PDE4D: variants seen among roughly 807,000 people sequenced by gnomAD.
The protein encoded by PDE4D is 3',5'-cyclic-AMP phosphodiesterase 4D.
Under a neutral mutation model 87.4 loss-of-function variants are expected in PDE4D, and 24 were observed. That is an observed-to-expected ratio of 0.27 (90% CI 0.20 to 0.39). The LOEUF is 0.39. PDE4D is among the 10% of genes least tolerant of loss of function. PDE4D has a pLI of 1.00. For synonymous variants in PDE4D, 384 were observed against 383.2 expected (o/e 1.00, Z -0.02); for missense variants, 714 against 1,041.0 (o/e 0.69, Z 4.32).
chr5:59,291,168 T>C (rs1369283127), intron 1 of PDE4D, among the ~76,000 whole-genome samples: 1 of 152,058 alleles, frequency 6.6e-6, no homozygotes, highest in Non-Finnish European at 1.5e-5. Context: ...TAGCCAGGAT[T>C]TGGAAGCAAT....
At chr5:59,802,240 AT>A (rs59251157) in intron 1 of PDE4D, among the ~76,000 whole-genome samples, 50 of 150,178 alleles carry the variant, frequency 3.3e-4, no homozygotes, top group Middle Eastern at 3.4e-3. Flanking sequence ...TTTTGTTTTC[AT>A]TTTTTTTTTA....
chr5:59,929,462 A>C (rs926132040), intron 3 of PDE4D, among the ~76,000 whole-genome samples: 3 of 152,140 alleles, frequency 2.0e-5, no homozygotes, highest in Non-Finnish European at 4.4e-5. Context: ...CCTTTGGTAC[A>C]AAACTTTTGA....
intron 1 of PDE4D, among the ~76,000 whole-genome samples, chr5:60,296,453 G>A (rs1753397362): frequency 6.6e-6 from 1 of 151,906 alleles, no homozygotes; most frequent in Non-Finnish European, 1.5e-5. Context: ...AAAATGACTG[G>A]GTAAGCCTCC....
At position 59,031,381 on chromosome 5, in the gene PDE4D, AT is replaced by A. The variant is rs1390156808; in HGVS notation, c.921+7477del. Reference sequence around the variant, plus strand: ...AAATGTGATATATATATATATATATATATATATATATTATATATATATATAT... The same window carrying A: ...AAATGTGATATATATATATATATATAATATATATATTATATATATATATAT... On this transcript the variant is annotated intron_variant, in intron 6 of 14. Coordinates refer to ENST00000340635, the MANE Select transcript of PDE4D (RefSeq NM_001104631.2). Among the ~76,000 whole-genome samples, 56 of 28,586 alleles carry A rather than the reference AT, an allele frequency of 2.0e-3. 1 individual carries two copies. Among genetic ancestry groups the A allele is most frequent in the African/African-American group, 0.011 (51 of 4,568 alleles). 18.8% of individuals were successfully genotyped at this position (28,586 alleles called of 152,430 possible). A position where few individuals can be genotyped will look rare whatever the true frequency, so the allele number is the denominator to read the frequency against.
At chr5:59,296,151 T>C (rs1769050566) in intron 1 of PDE4D, among the ~76,000 whole-genome samples, 1 of 152,170 alleles carries the variant, frequency 6.6e-6, no homozygotes, top group African/African-American at 2.4e-5. Flanking sequence ...TTAGCCATTG[T>C]TTGGGACATA....
At chr5:59,095,922 A>AGATT (rs1206218280) in intron 5 of PDE4D, among the ~76,000 whole-genome samples, 1 of 152,236 alleles carries the variant, frequency 6.6e-6, no homozygotes, top group Non-Finnish European at 1.5e-5. Flanking sequence ...TGATGAGGAT[A>AGATT]GATTGCTTTT....
At chr5:59,259,035 T>C (rs1376107157) in intron 1 of PDE4D, among the ~76,000 whole-genome samples, 1 of 151,922 alleles carries the variant, frequency 6.6e-6, no homozygotes, top group Non-Finnish European at 1.5e-5. Flanking sequence ...AGAGATCATA[T>C]ACATGTCATA....
At chr5:60,496,279 G>A (rs1487150575) in intron 1 of PDE4D, among the ~76,000 whole-genome samples, 1 of 152,146 alleles carries the variant, frequency 6.6e-6, no homozygotes, top group Non-Finnish European at 1.5e-5. Context: ...AACCGAGAGG[G>A]AAACTGTAGA....
intron 1 of PDE4D, among the ~76,000 whole-genome samples, chr5:60,497,392 TC>T (rs1255828290): frequency 2.0e-5 from 3 of 152,086 alleles, no homozygotes; most frequent in African/African-American, 4.8e-5. Context: ...TTTTTGTCTT[TC>T]TTTTTTTTTG....
chr5:60,134,317 C>G (rs892472979), intron 2 of PDE4D, among the ~76,000 whole-genome samples: 3 of 152,060 alleles, frequency 2.0e-5, no homozygotes, highest in Admixed American at 2.0e-4. Flanking sequence ...AGTGACATCT[C>G]TTTTGTAGAG....
intron 2 of PDE4D, among the ~76,000 whole-genome samples, chr5:60,040,525 C>A (rs1768355014): frequency 6.6e-6 from 1 of 152,134 alleles, no homozygotes; most frequent in Non-Finnish European, 1.5e-5. Flanking sequence ...AATTAATTAG[C>A]TTTCATTTTG....
chr5:59,073,169 T>C (rs1044119349), intron 5 of PDE4D, among the ~76,000 whole-genome samples: 11 of 152,166 alleles, frequency 7.2e-5, no homozygotes, highest in African/African-American at 2.7e-4. Context: ...ACCAAGGAAC[T>C]GAGTCCCATC....
intron 1 of PDE4D, among the ~76,000 whole-genome samples, chr5:59,610,666 T>G (rs889747993): frequency 2.0e-5 from 3 of 152,146 alleles, no homozygotes; most frequent in Non-Finnish European, 4.4e-5. Flanking sequence ...GAATTAACAT[T>G]TTGAGTATAT....
chr5:59,059,431 C>T (rs1330330943), intron 5 of PDE4D, among the ~76,000 whole-genome samples: 1 of 152,186 alleles, frequency 6.6e-6, no homozygotes, highest in East Asian at 1.9e-4. Context: ...CTTGTTAGAA[C>T]AAGCACGGTA....
intron 3 of PDE4D, among the ~76,000 whole-genome samples, chr5:59,949,259 G>A (rs995540565): frequency 6.6e-6 from 1 of 151,914 alleles, no homozygotes; most frequent in African/African-American, 2.4e-5. Flanking sequence ...GTGAAACCCC[G>A]TCGCTACTAA....
intron 1 of PDE4D, among the ~76,000 whole-genome samples, chr5:59,380,648 G>A (rs1412288574): frequency 6.6e-6 from 1 of 152,068 alleles, no homozygotes; most frequent in East Asian, 1.9e-4. Flanking sequence ...GTCCTTTTGT[G>A]CCCTCTAGTG....
chr5:59,478,886 G>C (rs1803759807), intron 1 of PDE4D, among the ~76,000 whole-genome samples: 1 of 138,532 alleles, frequency 7.2e-6, no homozygotes, highest in African/African-American at 3.1e-5. Flanking sequence ...TCCTGTCAAT[G>C]AATTCTTCAT....
At chr5:60,472,034 C>T (rs1338981272) in intron 1 of PDE4D, among the ~76,000 whole-genome samples, 3 of 152,046 alleles carry the variant, frequency 2.0e-5, no homozygotes, top group Non-Finnish European at 4.4e-5. Context: ...CATGTAACAC[C>T]TGAGTCCCAA....
intron 1 of PDE4D, among the ~76,000 whole-genome samples, chr5:60,454,504 A>G (rs1314872930): frequency 6.6e-6 from 1 of 152,212 alleles, no homozygotes. Flanking sequence ...TTGCAGGGAC[A>G]TGGATGAAGC....
Sources: gnomAD v4.1 joint callset for allele counts (sites outside exome capture counted in the v4.1 genomes callset) on GRCh38, gnomAD v4.1.1 for gene constraint, MANE v1.5 for transcripts, NCBI Gene and HGNC (gene_info 2026-07-23, HGNC 2026-07-21) for gene names.